CBR4: variants seen among roughly 807,000 people sequenced by gnomAD.
The protein encoded by CBR4 is carbonyl reductase 4, also known as 3-oxoacyl-[acyl-carrier-protein] reductase.
In CBR4, 22 loss-of-function variants were observed where a neutral mutation model predicts 21.0. The observed-to-expected ratio is 1.05, with a 90% CI of 0.75 to 1.50. The LOEUF is 1.50. Ranked by LOEUF, CBR4 falls within the 40% of genes most tolerant of loss-of-function variation. CBR4 has a pLI of 0.00. For synonymous variants in CBR4, 100 were observed against 104.4 expected (o/e 0.96, Z 0.26); for missense variants, 302 against 286.3 (o/e 1.05, Z -0.40).
chr4:168,910,689 T>C (rs1305497070), intron 2 of CBR4, among the ~76,000 whole-genome samples: 2 of 152,184 alleles, frequency 1.3e-5, no homozygotes, highest in South Asian at 4.2e-4. Flanking sequence ...GGCCTTGTTT[T>C]ACAGAGAAGG....
At chr4:168,926,209 G>T in intron 2 of CBR4, 3 of 1,508,258 alleles carry the variant, frequency 2.0e-6, no homozygotes, top group African/African-American at 2.8e-5. Context: ...CTTTTTCTTT[G>T]TAGCCCAGTG....
intron 2 of CBR4, among the ~76,000 whole-genome samples, chr4:168,977,332 A>C (rs1428126093): frequency 6.6e-6 from 1 of 152,180 alleles, no homozygotes; most frequent in African/African-American, 2.4e-5. Flanking sequence ...AGTTTATTTC[A>C]TCAGCTTCTA....
At chr4:168,901,071 G>GT (rs1364829538) in intron 2 of CBR4, among the ~76,000 whole-genome samples, 1 of 152,072 alleles carries the variant, frequency 6.6e-6, no homozygotes, top group Non-Finnish European at 1.5e-5. Context: ...GGACTTAATT[G>GT]TTTAAACTTT....
chr4:168,970,752 T>C (rs1237444963), intron 2 of CBR4, among the ~76,000 whole-genome samples: 1 of 152,140 alleles, frequency 6.6e-6, no homozygotes, highest in Non-Finnish European at 1.5e-5. Context: ...TTACTTCACT[T>C]AGACTAACAA....
chr4:168,896,606 C>G (rs1188744412), intron 2 of CBR4: 4 of 1,466,026 alleles, frequency 2.7e-6, no homozygotes, highest in Non-Finnish European at 3.7e-6. Context: ...AAAGGTTAAG[C>G]TTTTCACCTT....
chr4:168,947,742 G>A (rs749257046), intron 2 of CBR4, among the ~76,000 whole-genome samples: 17 of 152,006 alleles, frequency 1.1e-4, no homozygotes, highest in African/African-American at 1.5e-4. Context: ...GTATTCCACC[G>A]TACATATATA....
intron 1 of CBR4, 53 bp from the exon 2 acceptor site, chr4:169,007,809 T>C (rs1731049069): frequency 7.5e-7 from 1 of 1,326,588 alleles, no homozygotes; most frequent in Non-Finnish European, 1.0e-6. Flanking sequence ...TTAAATTTAC[T>C]CAATACACAT....
In CBR4 at chr4:169,007,716, A is replaced by C. The variant is rs141830328; in HGVS notation, c.183T>G (p.His61Gln). The C allele has an allele frequency of 1.9e-6, 3 of 1,592,556 alleles. No homozygotes were observed. Among genetic ancestry groups the C allele is most frequent in the Non-Finnish European group, 2.6e-6 (3 of 1,171,174 alleles). The change falls in exon 2 of 5, where the codon CAT becomes CAG. Residue 61 changes from histidine to glutamine, a missense_variant. Physicochemically the swap from His to Gln is conservative, Grantham distance 24. Coordinates refer to ENST00000306193, the MANE Select transcript of CBR4 (RefSeq NM_032783.5). ...GCTCTTCAAATGTATTTTGAACATCATGTTCTTTAGCAACATCACAGCTAA... is the reference window on the plus strand; with the variant it reads ...GCTCTTCAAATGTATTTTGAACATCCTGTTCTTTAGCAACATCACAGCTAA... ...LAFSCDVAKE[H>Q]DVQNTFEELE...
downstream of CBR4, among the ~76,000 whole-genome samples, chr4:168,983,963 T>C (rs10004161): frequency 0.7 from 106,293 of 151,992 alleles, 38,617 homozygotes; most frequent in East Asian, 0.96. Context: ...ACTGAACAGG[T>C]AAAAGCTGGA....
intron 2 of CBR4, among the ~76,000 whole-genome samples, chr4:168,968,204 A>G (rs570521140): frequency 1.6e-4 from 25 of 152,314 alleles, no homozygotes; most frequent in African/African-American, 6.0e-4. Context: ...TAGCCCTTAT[A>G]TTTTCTACAG....
chr4:168,946,004 T>C (rs1578917399), intron 2 of CBR4, among the ~76,000 whole-genome samples: 1 of 152,118 alleles, frequency 6.6e-6, no homozygotes, highest in East Asian at 1.9e-4. Context: ...AATTAGTTGA[T>C]TTTGGTACTT....
chr4:168,990,471 C>T (rs1764863620), intron 4 of CBR4, 143 bp from the exon 5 acceptor site: 1 of 658,506 alleles, frequency 1.5e-6, no homozygotes, highest in Admixed American at 3.6e-5. Flanking sequence ...GGGTCTCACT[C>T]TGTCACCCAA....
intron 2 of CBR4, among the ~76,000 whole-genome samples, chr4:168,895,003 T>C (rs1754806876): frequency 6.6e-6 from 1 of 152,206 alleles, no homozygotes; most frequent in Non-Finnish European, 1.5e-5. Flanking sequence ...TCGCCGACAT[T>C]GTCTGAAATA....
chr4:168,950,999 T>C (rs1164928361), intron 2 of CBR4, among the ~76,000 whole-genome samples: 1 of 152,216 alleles, frequency 6.6e-6, no homozygotes, highest in Non-Finnish European at 1.5e-5. Context: ...TAAGTGAGTC[T>C]CTTGAAGTCA....
In CBR4 at chr4:169,006,771, C is replaced by T. The variant is rs1348469734; in HGVS notation, c.384G>A (p.Gly128=). The change falls in exon 3 of 5, where the codon GGG becomes GGA. Residue 128 remains glycine (G), a synonymous_variant. Coordinates refer to ENST00000306193, the MANE Select transcript of CBR4 (RefSeq NM_032783.5). ...AAGACTCACCTACATTAACAATAGA[C>T]CCTCCCTGTTGTTGAATCATAGTCC... ...AMRTMIQQQG[G]SIVNVGSIVG... is the part of the protein sequence containing the mutation. 8 of 1,613,670 alleles carry T rather than the reference C, an allele frequency of 5.0e-6. No individual in the cohort carries two copies. In the East Asian group the frequency reaches 1.8e-4, roughly 36 times the overall value.
At chr4:168,910,941 C>G (rs1056715113) in intron 2 of CBR4, among the ~76,000 whole-genome samples, 1 of 152,158 alleles carries the variant, frequency 6.6e-6, no homozygotes, top group Non-Finnish European at 1.5e-5. Flanking sequence ...TTGCTGGGGT[C>G]CGCCAAGCTG....
chr4:169,008,254 C>T (rs1189540601), intron 1 of CBR4, among the ~76,000 whole-genome samples: 1 of 152,038 alleles, frequency 6.6e-6, no homozygotes, highest in Admixed American at 6.6e-5. Flanking sequence ...TTATTCAAAC[C>T]TGACCATCAG....
At chr4:168,974,517 A>C (rs1764310753) in intron 2 of CBR4, among the ~76,000 whole-genome samples, 1 of 152,094 alleles carries the variant, frequency 6.6e-6, no homozygotes, top group African/African-American at 2.4e-5. Context: ...AAACTTTTAG[A>C]TTTCTCTTAT....
intron 3 of CBR4, chr4:169,005,815 CA>C: frequency 8.9e-7 from 1 of 1,126,582 alleles, no homozygotes; most frequent in East Asian, 5.8e-5. Flanking sequence ...TTCTCACTTT[CA>C]AAACAGAAAA....
Sources: gnomAD v4.1 joint callset for allele counts (sites outside exome capture counted in the v4.1 genomes callset) on GRCh38, gnomAD v4.1.1 for gene constraint, MANE v1.5 for transcripts, NCBI Gene and HGNC (gene_info 2026-07-23, HGNC 2026-07-21) for gene names.